NFYC: variants seen among roughly 807,000 people sequenced by gnomAD.
NFYC encodes nuclear transcription factor Y subunit gamma, also known as CAAT box DNA-binding protein subunit C.
Under a neutral mutation model 53.1 loss-of-function variants are expected in NFYC, and 25 were observed. The observed-to-expected ratio is 0.47, with a 90% CI of 0.34 to 0.66. The LOEUF is 0.66. Among genes scored for constraint, NFYC ranks in the 30% least tolerant of loss-of-function variants. The pLI, the probability that NFYC is intolerant of heterozygous loss-of-function variation, is 0.01. For missense variants in NFYC, 260 were observed against 422.7 expected, an observed-to-expected ratio of 0.62 and a Z score of 3.38; for synonymous variants, 145 against 152.6, an observed-to-expected ratio of 0.95 and a Z score of 0.37.
At chr1:40,731,920 T>A (rs1644794063) in intron 1 of NFYC, among the ~76,000 whole-genome samples, 1 of 152,266 alleles carries the variant, frequency 6.6e-6, no homozygotes, top group Admixed American at 6.5e-5. Context: ...GAATAGGAAC[T>A]AACTCTTATT....
chr1:40,730,530 A>G (rs1414257882), intron 1 of NFYC: 4 of 982,802 alleles, frequency 4.1e-6, no homozygotes, highest in Non-Finnish European at 2.4e-6. Context: ...AAAACAAGGT[A>G]TAGTTGTAAA....
chr1:40,730,195 CTT>C (rs34045698), intron 1 of NFYC, among the ~76,000 whole-genome samples: 6,730 of 101,892 alleles, frequency 0.066, 302 homozygotes, highest in African/African-American at 0.15. Context: ...TCTTTCTTTT[CTT>C]TTTTTTTTTT....
intron 1 of NFYC, among the ~76,000 whole-genome samples, chr1:40,698,691 C>T (rs904208388): frequency 1.3e-5 from 2 of 151,994 alleles, no homozygotes; most frequent in African/African-American, 2.4e-5. Context: ...GCCTCCACTG[C>T]GCCCAGCCTG....
Position 40,758,106 on chromosome 1 carries a change from C to T in NFYC, c.388-15C>T. ...GGTTCTTTTCCTCTTACCTGCCTCT[C>T]TTTCCACCCAACAGGAGGAGGTGCG... On this transcript the variant is annotated splice_polypyrimidine_tract_variant and intron_variant, in intron 5 of 9. Coordinates refer to ENST00000447388, the MANE Select transcript of NFYC (RefSeq NM_014223.5). 1 of 1,611,676 alleles carries T rather than the reference C, an allele frequency of 6.2e-7. No homozygotes were observed. Among genetic ancestry groups the T allele is most frequent in the Non-Finnish European group, 8.5e-7 (1 of 1,179,790 alleles).
rs112598222 is a variant in NFYC, at chr1:40,697,977, A to G, written c.-9+6110A>G. ...ATCCAGTACTTCATGAGAGCTTTCT[A>G]TTGTATAAACTTGTAGTTTAAAGAG... On this transcript the variant is annotated intron_variant, in intron 1 of 9. Coordinates refer to ENST00000447388, the MANE Select transcript of NFYC (RefSeq NM_014223.5). Among the ~76,000 whole-genome samples the G allele has an allele frequency of 1.2e-4, 18 of 152,352 alleles. 1 individual carries two copies. Among genetic ancestry groups the G allele is most frequent in the African/African-American group, 2.4e-4 (10 of 41,582 alleles).
intron 5 of NFYC, 99 bp from the exon 6 acceptor site, chr1:40,758,022 C>G (rs563946833): frequency 7.5e-7 from 1 of 1,337,506 alleles, no homozygotes; most frequent in Non-Finnish European, 1.1e-6. Flanking sequence ...ATTCAGCAGG[C>G]AACTGCACAT....
chr1:40,756,994 A>G (rs570095601), intron 5 of NFYC, among the ~76,000 whole-genome samples: 1 of 152,350 alleles, frequency 6.6e-6, no homozygotes, highest in Non-Finnish European at 1.5e-5. Flanking sequence ...GGATGGGGTC[A>G]ATACCAGCTT....
intron 2 of NFYC, among the ~76,000 whole-genome samples, chr1:40,740,086 A>G (rs992689651): frequency 2.6e-5 from 4 of 152,140 alleles, no homozygotes; most frequent in African/African-American, 9.7e-5. Flanking sequence ...TTAATGAAGA[A>G]TGTTCATTAA....
Position 40,771,058 on chromosome 1 carries a change from A to T in NFYC, c.*230A>T. Reference sequence around the variant, plus strand: ...TTTTTCTCTAAGGAATCAATATTTCAATATGTTGAGTGTGTGTCCAATGCT... The same window carrying T: ...TTTTTCTCTAAGGAATCAATATTTCTATATGTTGAGTGTGTGTCCAATGCT... On this transcript the variant is annotated 3_prime_UTR_variant, in exon 10 of 10. Transcript: ENST00000447388. The T allele has an allele frequency of 1.7e-6, 1 of 583,222 alleles. No homozygotes were observed. Among genetic ancestry groups the T allele is most frequent in the South Asian group, 2.2e-5 (1 of 45,764 alleles). The allele number at this position is 583,222 out of a possible 1,614,324, so 36.1% of individuals were successfully genotyped here.
chr1:40,714,666 G>A (rs950512895), intron 1 of NFYC, among the ~76,000 whole-genome samples: 1 of 152,142 alleles, frequency 6.6e-6, no homozygotes, highest in Non-Finnish European at 1.5e-5. Context: ...CCAGGCTAGA[G>A]TGTAGTGGTG....
At chr1:40,765,036 T>G (rs1226138821) in intron 7 of NFYC, among the ~76,000 whole-genome samples, 1 of 152,202 alleles carries the variant, frequency 6.6e-6, no homozygotes, top group African/African-American at 2.4e-5. Flanking sequence ...TTTCATCTTG[T>G]GATCCCTGGC....
At chr1:40,719,440 T>G (rs370564545) in intron 1 of NFYC, among the ~76,000 whole-genome samples, 5 of 152,324 alleles carry the variant, frequency 3.3e-5, no homozygotes, top group Admixed American at 2.6e-4. Context: ...TTCTGAATTA[T>G]AGAGAAAGGA....
intron 1 of NFYC, among the ~76,000 whole-genome samples, chr1:40,696,258 C>A (rs553349979): frequency 3.9e-4 from 59 of 152,138 alleles, no homozygotes; most frequent in South Asian, 8.3e-4. Context: ...CTCCTGACCT[C>A]GTGATCCGCC....
chr1:40,718,831 C>T (rs1054326637), intron 1 of NFYC, among the ~76,000 whole-genome samples: 4 of 152,068 alleles, frequency 2.6e-5, no homozygotes, highest in South Asian at 4.2e-4. Context: ...ACATAGAGAT[C>T]GATATTTTTA....
chr1:40,703,542 C>T (rs1202352183), intron 1 of NFYC, among the ~76,000 whole-genome samples: 1 of 149,860 alleles, frequency 6.7e-6, no homozygotes, highest in African/African-American at 2.4e-5. Flanking sequence ...ACATGGCCCT[C>T]TTCAGTTGGA....
intron 7 of NFYC, 85 bp downstream of exon 7, chr1:40,763,131 T>C (rs536698131): frequency 1.6e-6 from 2 of 1,231,494 alleles, no homozygotes; most frequent in Non-Finnish European, 2.2e-6. Context: ...TATATGTATA[T>C]CTCTATATAT....
intron 1 of NFYC, among the ~76,000 whole-genome samples, chr1:40,714,502 C>T (rs1644049607): frequency 6.6e-6 from 1 of 152,132 alleles, no homozygotes; most frequent in Admixed American, 6.6e-5. Context: ...AGAATGAGGG[C>T]TTGAACGATG....
intron 1 of NFYC, among the ~76,000 whole-genome samples, chr1:40,706,119 G>T (rs770530462): frequency 9.9e-5 from 15 of 151,932 alleles, no homozygotes; most frequent in Admixed American, 7.9e-4. Flanking sequence ...TGGCACCTAA[G>T]AATTTCCATG....
At chr1:40,745,079 T>C (rs1240040862) in intron 2 of NFYC, among the ~76,000 whole-genome samples, 1 of 152,200 alleles carries the variant, frequency 6.6e-6, no homozygotes, top group African/African-American at 2.4e-5. Flanking sequence ...CAGAGCTTAT[T>C]ATAAATTTCT....
Sources: allele counts gnomAD v4.1 joint callset (sites outside exome capture counted in the v4.1 genomes callset), GRCh38; gene constraint gnomAD v4.1.1; transcripts MANE v1.5; gene names NCBI Gene and HGNC (gene_info 2026-07-23, HGNC 2026-07-21).